PER3: variants seen among roughly 807,000 people sequenced by gnomAD.
PER3 encodes period circadian regulator 3.
Under a neutral mutation model 127.2 loss-of-function variants are expected in PER3, and 107 were observed. The observed-to-expected ratio is 0.84, with a 90% CI of 0.72 to 0.99. The LOEUF is 0.99. PER3 is among the 50% of genes least tolerant of loss of function. PER3 has a pLI of 0.00. For missense variants in PER3, 1,560 were observed against 1,525.8 expected (o/e 1.02, Z -0.37); for synonymous variants, 618 against 585.8 (o/e 1.05, Z -0.79).
intron 10 of PER3, chr1:7,804,091 TTATTA>T (rs2097182409): frequency 2.8e-6 from 1 of 355,608 alleles, no homozygotes; most frequent in Non-Finnish European, 5.0e-6. Context: ...GCTTGATGTA[TTATTA>T]TATTGGTCAA....
chr1:7,838,825 C>T (rs2097370243), intron 21 of PER3, among the ~76,000 whole-genome samples: 1 of 152,174 alleles, frequency 6.6e-6, no homozygotes, highest in Admixed American at 6.5e-5. Flanking sequence ...TCACTTTCAA[C>T]CTATCTGTAT....
intron 6 of PER3, among the ~76,000 whole-genome samples, 171 bp from the exon 7 acceptor site, chr1:7,798,354 G>A (rs1046209257): frequency 6.6e-6 from 1 of 152,216 alleles, no homozygotes; most frequent in Admixed American, 6.5e-5. Context: ...TTGAATAATA[G>A]CGAAAATTTA....
intron 6 of PER3, among the ~76,000 whole-genome samples, chr1:7,794,705 T>G (rs1577666977): frequency 2.0e-5 from 3 of 151,962 alleles, no homozygotes; most frequent in African/African-American, 7.2e-5. Context: ...AGATTTATAT[T>G]TGTGAGAAGG....
intron 11 of PER3, among the ~76,000 whole-genome samples, chr1:7,809,502 A>G (rs903609768): frequency 3.9e-5 from 6 of 152,142 alleles, no homozygotes; most frequent in African/African-American, 1.4e-4. Context: ...AATGTCTCCC[A>G]TAAAATCTCT....
chr1:7,789,087 GTCATCCTTCATTATTTT>G (rs2097106077), intron 5 of PER3, among the ~76,000 whole-genome samples: 1 of 150,322 alleles, frequency 6.7e-6, no homozygotes, highest in South Asian at 2.1e-4. Context: ...TTTCTTTTTA[GTCATCCTTCATTATTTT>G]ATATTCTTTG....
At chr1:7,792,094 C>T (rs1454720151) in intron 5 of PER3, among the ~76,000 whole-genome samples, 6 of 152,174 alleles carry the variant, frequency 3.9e-5, no homozygotes, top group African/African-American at 1.2e-4. Context: ...TTAGTCCATT[C>T]TCATGCTGCT....
intron 13 of PER3, among the ~76,000 whole-genome samples, chr1:7,817,346 A>G (rs920753511): frequency 3.9e-5 from 6 of 152,216 alleles, no homozygotes; most frequent in Admixed American, 2.6e-4. Context: ...ACTGAGTCCA[A>G]CTGCATTACA....
In PER3 at chr1:7,827,152, C is replaced by T. The variant is rs771375455; in HGVS notation, c.2223C>T (p.Gly741=). The part of the protein sequence containing the change: ...DSTSKQTRSA[G]CRKGKHKRKK... ...CTTCCAAGCAGACGCGGTCGGCCGGCTGCAGGAAAGGGAAGCACAAGCGGA... is the reference window on the plus strand; with the variant it reads ...CTTCCAAGCAGACGCGGTCGGCCGGTTGCAGGAAAGGGAAGCACAAGCGGA... Residue 741 remains glycine, a synonymous_variant, in exon 18 of 22, where the codon GGC becomes GGT. Coordinates refer to ENST00000377532, the MANE Select transcript of PER3 (RefSeq NM_001377275.1). The T allele has an allele frequency of 4.4e-6, 7 of 1,607,626 alleles. No individual in the cohort carries two copies. Among genetic ancestry groups the T allele is most frequent in the Non-Finnish European group, 5.9e-6 (7 of 1,177,438 alleles).
At chr1:7,831,818 G>T (rs1309538693) in intron 19 of PER3, among the ~76,000 whole-genome samples, 3 of 152,172 alleles carry the variant, frequency 2.0e-5, no homozygotes, top group African/African-American at 7.2e-5. Context: ...TTGCATCTCT[G>T]TGCAGAATAT....
chr1:7,786,520 A>G (rs1444803667), intron 3 of PER3, among the ~76,000 whole-genome samples: 1 of 152,236 alleles, frequency 6.6e-6, no homozygotes, highest in African/African-American at 2.4e-5. Context: ...GTGATCCAGA[A>G]CATGCAGAAT....
chr1:7,795,113 G>A (rs561541272), intron 6 of PER3, among the ~76,000 whole-genome samples: 13 of 152,286 alleles, frequency 8.5e-5, no homozygotes, highest in Admixed American at 2.0e-4. Context: ...GGGACGGCCT[G>A]AGAAAGGGCA....
In PER3 at chr1:7,798,564, A is replaced by C. The variant is rs1329806999; in HGVS notation, c.684A>C (p.Pro228=). Residue 228 remains proline (P), a synonymous_variant, in exon 7 of 22, where the codon CCA becomes CCC. Coordinates refer to ENST00000377532, the MANE Select transcript of PER3 (RefSeq NM_001377275.1). ...EDRKQEKCHS[P]FRIIPYLIHV... ...GAAAGCAAGAGAAGTGTCACTCCCC[A>C]TTCCGGATCATCCCCTATCTGATTC... 2 of 1,613,472 alleles carry C rather than the reference A, an allele frequency of 1.2e-6. No individual in the cohort carries two copies. The highest frequency in any genetic ancestry group is 2.7e-5 in the African/African-American group (2 of 74,904).
intron 5 of PER3, among the ~76,000 whole-genome samples, chr1:7,792,349 T>C (rs980578626): frequency 2.6e-5 from 4 of 152,166 alleles, no homozygotes; most frequent in Non-Finnish European, 5.9e-5. Flanking sequence ...ATGATTCAGT[T>C]ACCTCCCACC....
At chr1:7,838,646 C>G (rs918940415) in intron 21 of PER3, among the ~76,000 whole-genome samples, 1 of 152,054 alleles carries the variant, frequency 6.6e-6, no homozygotes, top group Non-Finnish European at 1.5e-5. Flanking sequence ...GTAATCTGCC[C>G]GCCTCAGCCT....
intron 10 of PER3, among the ~76,000 whole-genome samples, chr1:7,805,777 C>T (rs898609734): frequency 2.0e-5 from 3 of 152,100 alleles, no homozygotes; most frequent in African/African-American, 7.2e-5. Context: ...GTTCCCCAGC[C>T]CCAGTCAGGG....
At position 7,843,991 on chromosome 1, in the gene PER3, C is replaced by T. The variant is rs1026356561; in HGVS notation, c.*1236C>T. 153 of 1,242,970 alleles carry T rather than the reference C, an allele frequency of 1.2e-4. No homozygotes were observed. Among genetic ancestry groups the T allele is most frequent in the Non-Finnish European group, 1.4e-4 (132 of 960,158 alleles). 77.0% of individuals were successfully genotyped at this position (1,242,970 alleles called of 1,614,324 possible). A position where few individuals can be genotyped will look rare whatever the true frequency, so the allele number is the denominator to read the frequency against. ...AACAAATAGAAGAAAATGAGGGTTA[C>T]AGTAACCTGTTGTCTTTATATAACT... On this transcript the variant is annotated 3_prime_UTR_variant, in exon 22 of 22. Coordinates refer to ENST00000377532, the MANE Select transcript of PER3 (RefSeq NM_001377275.1).
chr1:7,837,063 C>T lies in PER3; in HGVS notation c.3463C>T (p.Gln1155Ter). ...AGAAAGTATGAGGCAGCAGCAGCCC[C>T]AGTTTTCTCATGGGCAAAAGGAGGA... ...KLESMRQQQP[Q>*]FSHGQKEELA... Residue 1155 changes from glutamine to a stop codon, truncating the protein, a stop_gained, in exon 21 of 22, where the codon CAG (glutamine) becomes TAG (stop). Transcript: ENST00000377532. LOFTEE classifies it high-confidence loss of function. 6.2e-7 allele frequency: 1 copy of T among 1,613,716 alleles called. No individual in the cohort carries two copies. The highest frequency in any genetic ancestry group is 1.3e-5 in the African/African-American group (1 of 75,010).
intron 21 of PER3, among the ~76,000 whole-genome samples, chr1:7,839,829 C>T (rs950592779): frequency 1.3e-5 from 2 of 151,844 alleles, no homozygotes; most frequent in South Asian, 2.1e-4. Context: ...TTTGACTGCA[C>T]GGTATTTAAT....
chr1:7,823,857 G>T (rs907872280), intron 16 of PER3, among the ~76,000 whole-genome samples: 5 of 152,198 alleles, frequency 3.3e-5, no homozygotes, highest in African/African-American at 1.2e-4. Flanking sequence ...ACCTTTTCAA[G>T]TACACACAGT....
Sources: allele counts gnomAD v4.1 joint callset (sites outside exome capture counted in the v4.1 genomes callset), GRCh38; gene constraint gnomAD v4.1.1; transcripts MANE v1.5; gene names NCBI Gene and HGNC (gene_info 2026-07-23, HGNC 2026-07-21).